CNTNAP2: variants seen among roughly 807,000 people sequenced by gnomAD.
The protein encoded by CNTNAP2 is contactin associated protein 2, also known as contactin-associated protein-like 2.
CNTNAP2 carries 98 observed loss-of-function variants against 155.2 expected under a neutral mutation model. The observed-to-expected ratio is 0.63, with a 90% CI of 0.54 to 0.75. CNTNAP2 has a LOEUF of 0.75. CNTNAP2 is among the 30% of genes least tolerant of loss of function. The probability of loss-of-function intolerance (pLI) is 0.00; values close to 1 mark genes in which losing one functional copy is unlikely to be tolerated. For missense variants in CNTNAP2, 1,727 were observed against 1,688.1 expected (o/e 1.02, Z -0.40); for synonymous variants, 651 against 631.2 (o/e 1.03, Z -0.47).
At chr7:148,182,085 A>T (rs967275393) in intron 18 of CNTNAP2, among the ~76,000 whole-genome samples, 1 of 151,956 alleles carries the variant, frequency 6.6e-6, no homozygotes, top group Non-Finnish European at 1.5e-5. Flanking sequence ...AATCCCCACC[A>T]GTGTGGGGAC....
chr7:147,985,046 C>CA (rs1235481690), intron 15 of CNTNAP2, among the ~76,000 whole-genome samples: 1 of 151,944 alleles, frequency 6.6e-6, no homozygotes, highest in Non-Finnish European at 1.5e-5. Context: ...ACCCAGGAGG[C>CA]AGAGGTTGCA....
At chr7:146,981,944 G>A (rs1798026229) in intron 3 of CNTNAP2, among the ~76,000 whole-genome samples, 1 of 152,212 alleles carries the variant, frequency 6.6e-6, no homozygotes, top group Non-Finnish European at 1.5e-5. Context: ...TGCCATTACA[G>A]CATGAAAGCA....
chr7:146,867,110 C>A (rs1009675879), intron 3 of CNTNAP2, among the ~76,000 whole-genome samples: 5 of 152,038 alleles, frequency 3.3e-5, no homozygotes, highest in Non-Finnish European at 7.4e-5. Flanking sequence ...TATTTGATTT[C>A]ATCACCCAGG....
intron 13 of CNTNAP2, among the ~76,000 whole-genome samples, chr7:147,717,358 A>C (rs976678451): frequency 6.6e-6 from 1 of 152,138 alleles, no homozygotes; most frequent in Non-Finnish European, 1.5e-5. Flanking sequence ...GGCCTGGTTG[A>C]AAAGTGGCAG....
chr7:146,890,113 G>A (rs2129211274), intron 3 of CNTNAP2, among the ~76,000 whole-genome samples: 1 of 152,230 alleles, frequency 6.6e-6, no homozygotes. Context: ...TTCATTGGAA[G>A]CAAAGATGAA....
intron 1 of CNTNAP2, among the ~76,000 whole-genome samples, chr7:146,554,731 G>C (rs1563132860): frequency 6.6e-6 from 1 of 152,206 alleles, no homozygotes; most frequent in Non-Finnish European, 1.5e-5. Context: ...TGTAAACTCG[G>C]TGTGCAGGGT....
intron 22 of CNTNAP2, among the ~76,000 whole-genome samples, chr7:148,384,736 A>G (rs1799152030): frequency 6.6e-6 from 1 of 152,208 alleles, no homozygotes; most frequent in African/African-American, 2.4e-5. Context: ...AGGAAGCAAC[A>G]GCTAGGAGGC....
intron 17 of CNTNAP2, among the ~76,000 whole-genome samples, chr7:148,171,199 A>G (rs1400555366): frequency 6.6e-6 from 1 of 152,194 alleles, no homozygotes; most frequent in Non-Finnish European, 1.5e-5. Flanking sequence ...GGTGAGTAGC[A>G]TATATAAGGT....
chr7:146,158,447 G>C (rs1201319383), intron 1 of CNTNAP2, among the ~76,000 whole-genome samples: 1 of 152,198 alleles, frequency 6.6e-6, no homozygotes, highest in Non-Finnish European at 1.5e-5. Context: ...ACTTCTCTGA[G>C]CTAAAGGAGG....
chr7:148,032,089 A>T (rs374453666), intron 15 of CNTNAP2, among the ~76,000 whole-genome samples: 1 of 152,090 alleles, frequency 6.6e-6, no homozygotes, highest in South Asian at 2.1e-4. Flanking sequence ...TGAAAGAATT[A>T]ATGTGCCTCC....
intron 13 of CNTNAP2, among the ~76,000 whole-genome samples, chr7:147,810,038 T>C (rs540874710): frequency 6.6e-6 from 1 of 152,206 alleles, no homozygotes; most frequent in Non-Finnish European, 1.5e-5. Context: ...TCTATGCTTT[T>C]ATTCAATGTG....
Position 146,421,816 on chromosome 7 carries a change from A to C in CNTNAP2, c.97+304843A>C, listed in dbSNP as rs73738763. Among the ~76,000 whole-genome samples the C allele has an allele frequency of 6.6e-3, 1,005 of 152,046 alleles. 11 individuals carry two copies. Among genetic ancestry groups the C allele is most frequent in the African/African-American group, 0.023 (936 of 41,534 alleles). ...GCTCTTTCACAGAAGTAACTAAATC[A>C]TTAATTACCTTTGTATCTTACAAAT... On this transcript the variant is annotated intron_variant, in intron 1 of 23. Coordinates refer to ENST00000361727, the MANE Select transcript of CNTNAP2 (RefSeq NM_014141.6).
intron 8 of CNTNAP2, among the ~76,000 whole-genome samples, chr7:147,159,654 C>A (rs970081286): frequency 6.6e-6 from 1 of 152,086 alleles, no homozygotes; most frequent in African/African-American, 2.4e-5. Flanking sequence ...AGAATCACTG[C>A]ATGGTCTACA....
intron 1 of CNTNAP2, among the ~76,000 whole-genome samples, chr7:146,336,634 A>T (rs541663703): frequency 6.6e-6 from 1 of 152,282 alleles, no homozygotes; most frequent in East Asian, 1.9e-4. Flanking sequence ...TCTGTACATG[A>T]TTGTTCACAG....
intron 13 of CNTNAP2, among the ~76,000 whole-genome samples, chr7:147,826,468 C>A (rs1179504605): frequency 2.6e-5 from 4 of 152,016 alleles, no homozygotes; most frequent in African/African-American, 9.7e-5. Context: ...TTGATGGTGA[C>A]CAAGAATTTC....
chr7:147,690,061 A>G (rs946704509), intron 13 of CNTNAP2, among the ~76,000 whole-genome samples: 24 of 151,938 alleles, frequency 1.6e-4, no homozygotes, highest in African/African-American at 5.5e-4. Flanking sequence ...TTTCTTCCTC[A>G]TTGTCTACAG....
rs566455927 is a variant in CNTNAP2 at position 147,633,218 on chromosome 7, C to G, written c.1898-5888C>G. The stretch of plus-strand genomic sequence containing the variant: ...AAGCCATTGCTTCAGAGGATGCAAG[C>G]CCCAATCCATGGTGACTTTCACATG... On this transcript the variant is annotated intron_variant, in intron 12 of 23. Transcript: ENST00000361727. Among the ~76,000 whole-genome samples, 4 of 152,340 alleles carry G rather than the reference C, an allele frequency of 2.6e-5. No homozygotes were observed. The Middle Eastern group carries it at 0.01, about 389-fold the overall frequency.
intron 13 of CNTNAP2, among the ~76,000 whole-genome samples, chr7:147,837,788 T>A (rs1417282191): frequency 2.6e-5 from 4 of 152,156 alleles, no homozygotes; most frequent in Non-Finnish European, 5.9e-5. Flanking sequence ...CTCCAAAAGA[T>A]CTCCTTTGAC....
At chr7:148,108,364 TAAA>T (rs34910578) in intron 15 of CNTNAP2, among the ~76,000 whole-genome samples, 46,060 of 146,234 alleles carry the variant, frequency 0.31, 9,057 homozygotes, top group East Asian at 0.67. Flanking sequence ...ACCAAAAAAT[TAAA>T]AAAAAAAAAA....
Sources: allele counts gnomAD v4.1 joint callset (sites outside exome capture counted in the v4.1 genomes callset), GRCh38; gene constraint gnomAD v4.1.1; transcripts MANE v1.5; gene names NCBI Gene and HGNC (gene_info 2026-07-23, HGNC 2026-07-21).